PRDM16: variants seen among roughly 807,000 people sequenced by gnomAD.
PRDM16 encodes histone-lysine N-methyltransferase PRDM16.
A neutral mutation model predicts 110.6 loss-of-function variants in PRDM16; 23 were observed. The ratio of observed to expected loss-of-function variants is 0.21; its 90% CI spans 0.15 to 0.29. The LOEUF is 0.29. Ranked by LOEUF, PRDM16 falls within the 10% of genes least tolerant of loss-of-function variation. The pLI is 1.00. For synonymous variants in PRDM16, 799 were observed against 781.8 expected, an observed-to-expected ratio of 1.02 and a Z score of -0.37; for missense variants, 1,615 against 1,794.3, an observed-to-expected ratio of 0.90 and a Z score of 1.81.
At chr1:3,136,038 T>TCC in intron 1 of PRDM16, among the ~76,000 whole-genome samples, 1 of 151,998 alleles carries the variant, frequency 6.6e-6, no homozygotes, top group East Asian at 1.9e-4. Context: ...GCTCGCTTTG[T>TCC]CCGGGAGCCA....
intron 1 of PRDM16, among the ~76,000 whole-genome samples, chr1:3,182,875 C>T (rs560791914): frequency 1.3e-5 from 2 of 152,190 alleles, no homozygotes; most frequent in Non-Finnish European, 2.9e-5. Flanking sequence ...GGCCCCAACT[C>T]GGGGTCACTC....
intron 4 of PRDM16, among the ~76,000 whole-genome samples, chr1:3,388,418 G>C (rs565328865): frequency 2.5e-4 from 38 of 152,306 alleles, no homozygotes; most frequent in African/African-American, 8.9e-4. Context: ...ACAACGTCGA[G>C]TTTGCCAAAT....
chr1:3,156,184 C>G (rs962816824), intron 1 of PRDM16, among the ~76,000 whole-genome samples: 11 of 152,008 alleles, frequency 7.2e-5, no homozygotes, highest in East Asian at 1.9e-4. Context: ...TACTTTGAGC[C>G]GTGATAGAAT....
At chr1:3,177,884 G>A (rs1199321304) in intron 1 of PRDM16, among the ~76,000 whole-genome samples, 1 of 152,234 alleles carries the variant, frequency 6.6e-6, no homozygotes, top group Non-Finnish European at 1.5e-5. Flanking sequence ...AACCTCAGGC[G>A]TTCACATCTC....
intron 12 of PRDM16, among the ~76,000 whole-genome samples, chr1:3,421,339 C>T (rs377284587): frequency 1.4e-4 from 21 of 152,316 alleles, no homozygotes; most frequent in African/African-American, 4.6e-4. Context: ...GCAGCAGGCA[C>T]GGTCACAGCA....
intron 2 of PRDM16, among the ~76,000 whole-genome samples, chr1:3,242,370 G>A (rs544022668): frequency 4.3e-4 from 66 of 152,336 alleles, no homozygotes; most frequent in Middle Eastern, 3.4e-3. Context: ...TTCTCTGCCC[G>A]GGGCGGCTCA....
intron 1 of PRDM16, among the ~76,000 whole-genome samples, chr1:3,146,948 G>C (rs1643679000): frequency 9.0e-6 from 1 of 111,270 alleles, no homozygotes; most frequent in African/African-American, 3.3e-5. Context: ...GCTCAGTGTG[G>C]GGGGTATGTG....
intron 2 of PRDM16, among the ~76,000 whole-genome samples, chr1:3,225,798 C>T (rs1043717266): frequency 1.3e-5 from 2 of 152,198 alleles, no homozygotes; most frequent in Non-Finnish European, 2.9e-5. Context: ...TCGGCCCCAC[C>T]TCCAGAAGTG....
chr1:3,094,937 C>T (rs530565334), intron 1 of PRDM16, among the ~76,000 whole-genome samples: 3 of 152,298 alleles, frequency 2.0e-5, no homozygotes, highest in African/African-American at 4.8e-5. Context: ...CCCGGAACCC[C>T]GGTGCTCGTG....
intron 3 of PRDM16, among the ~76,000 whole-genome samples, chr1:3,320,681 C>T (rs1641720104): frequency 6.6e-6 from 1 of 152,226 alleles, no homozygotes; most frequent in Non-Finnish European, 1.5e-5. Flanking sequence ...GCTGAACCCA[C>T]CCCCTTGGCC....
In PRDM16 at chr1:3,081,222, G is replaced by A. The variant is rs1038857724; in HGVS notation, c.37+11926G>A. ...TTATTGAATCTCATCTGCTAATTAC[G>A]GCGGCGGGACTTGGGTTCGAGGCCC... On this transcript the variant is annotated intron_variant, in intron 1 of 16. Transcript: ENST00000270722. The surrounding 1 kb of genome is among the most constrained non-coding windows in gnomAD (Gnocchi z 4.6). Among the ~76,000 whole-genome samples the A allele has an allele frequency of 2.6e-5, 4 of 152,214 alleles. No individual in the cohort carries two copies. Among genetic ancestry groups the A allele is most frequent in the African/African-American group, 7.2e-5 (3 of 41,470 alleles).
chr1:3,244,267 AT>A lies in PRDM16; in HGVS notation c.438+131del. 1.2e-6 allele frequency: 1 copy of A among 834,254 alleles called. No homozygotes were observed. The highest frequency in any genetic ancestry group is 2.0e-6 in the Non-Finnish European group (1 of 507,992). 51.7% of individuals were successfully genotyped at this position (834,254 alleles called of 1,614,324 possible). A position where few individuals can be genotyped will look rare whatever the true frequency, so the allele number is the denominator to read the frequency against. Reference sequence around the variant, plus strand: ...GAATGTTGCTGGCAGGCCCCGAGCAATGTGTTATCTGTGGACTGACGTGTGC... The same window carrying A: ...GAATGTTGCTGGCAGGCCCCGAGCAAGTGTTATCTGTGGACTGACGTGTGC... On this transcript the variant is annotated intron_variant, in intron 3 of 16. Coordinates refer to ENST00000270722, the MANE Select transcript of PRDM16 (RefSeq NM_022114.4). The surrounding 1 kb of genome is among the most constrained non-coding windows in gnomAD (Gnocchi z 4.1).
intron 3 of PRDM16, among the ~76,000 whole-genome samples, chr1:3,296,450 G>A (rs914979124): frequency 1.3e-5 from 2 of 152,254 alleles, no homozygotes; most frequent in Admixed American, 6.5e-5. Flanking sequence ...GGCACAGCCT[G>A]GCCTTCCGGA....
chr1:3,381,400 GTT>G (rs58504087), intron 3 of PRDM16, among the ~76,000 whole-genome samples: 5,076 of 134,996 alleles, frequency 0.038, 87 homozygotes, highest in Middle Eastern at 0.074. Context: ...TTTTTTTCTG[GTT>G]TTTTTTTTTT....
At chr1:3,113,905 T>G (rs776722953) in intron 1 of PRDM16, among the ~76,000 whole-genome samples, 5 of 152,242 alleles carry the variant, frequency 3.3e-5, no homozygotes, top group Non-Finnish European at 5.9e-5. Context: ...CTTGAGAATA[T>G]TTTCTGTTTC....
At chr1:3,217,314 G>A (rs1034500412) in intron 2 of PRDM16, among the ~76,000 whole-genome samples, 2 of 152,224 alleles carry the variant, frequency 1.3e-5, no homozygotes, top group African/African-American at 2.4e-5. Flanking sequence ...GTGGGCGCAC[G>A]GCAGCTTGCA....
In PRDM16 at chr1:3,435,594, C is replaced by T; in HGVS notation, c.*1783C>T. ...AGAGAAAAAAAATGCCCAAGTTGCC[C>T]TTTAAAAAAAAAGAGCGTAAATACA... is the stretch of plus-strand genomic sequence containing the variant. On this transcript the variant is annotated 3_prime_UTR_variant, in exon 17 of 17. Transcript: ENST00000270722. 4.4e-6 allele frequency: 1 copy of T among 229,836 alleles called. No homozygotes were observed. The highest frequency in any genetic ancestry group is 8.6e-6 in the Non-Finnish European group (1 of 116,364). The allele number at this position is 229,836 out of a possible 1,614,324, so 14.2% of individuals were successfully genotyped here.
At chr1:3,309,248 C>A (rs541768962) in intron 3 of PRDM16, 25 of 152,370 alleles carry the variant, frequency 1.6e-4, no homozygotes, top group Admixed American at 1.6e-3. Context: ...CAGGGTGCAC[C>A]TCCTCTGGGC....
intron 3 of PRDM16, among the ~76,000 whole-genome samples, chr1:3,273,063 C>T (rs1483178986): frequency 1.3e-5 from 2 of 152,172 alleles, no homozygotes; most frequent in African/African-American, 2.4e-5. Context: ...AGAGGATGTG[C>T]GTTCAGAACC....
Sources: allele counts gnomAD v4.1 joint callset (sites outside exome capture counted in the v4.1 genomes callset), GRCh38; gene constraint gnomAD v4.1.1; non-coding constraint Gnocchi (gnomAD v3.1); transcripts MANE v1.5; gene names NCBI Gene and HGNC (gene_info 2026-07-23, HGNC 2026-07-21).